Variants in GLE1 observed in about 807,000 individuals in gnomAD.
GLE1 encodes mRNA export factor GLE1.
GLE1 carries 78 observed loss-of-function variants against 97.3 expected under a neutral mutation model. That is an observed-to-expected ratio of 0.80 (90% CI 0.67 to 0.97). The LOEUF (loss-of-function observed/expected upper bound fraction) is 0.97. Among genes scored for constraint, GLE1 ranks in the 50% least tolerant of loss-of-function variants. GLE1 has a pLI of 0.00. For missense variants in GLE1, 753 were observed against 857.5 expected (o/e 0.88, Z 1.52); for synonymous variants, 302 against 313.4 (o/e 0.96, Z 0.39).
chr9:128,506,532 T>G (rs2132396452), intron 1 of GLE1, among the ~76,000 whole-genome samples: 1 of 152,310 alleles, frequency 6.6e-6, no homozygotes. Flanking sequence ...AGGTGCAAGT[T>G]TCCCTGTCTT....
chr9:128,538,138 C>G (rs766396131), intron 13 of GLE1, 48 bp downstream of exon 13: 1 of 976,482 alleles, frequency 1.0e-6, no homozygotes, highest in Non-Finnish European at 1.7e-6. Flanking sequence ...GTTGAGGTAG[C>G]CTTGATCCAC....
At chr9:128,522,556 G>C (rs925971843) in intron 3 of GLE1, 112 bp from the exon 4 acceptor site, 1 of 1,211,216 alleles carries the variant, frequency 8.3e-7, no homozygotes, top group Non-Finnish European at 1.1e-6. Context: ...GGGGAGCTGA[G>C]ACAAGAATCG....
chr9:128,532,209 C>CTTTTTTTTTTTTTTTTTTTTT (rs1160924908), intron 9 of GLE1, among the ~76,000 whole-genome samples: 1 of 49,358 alleles, frequency 2.0e-5, no homozygotes, highest in East Asian at 6.5e-4. Flanking sequence ...ATCTGCTTTG[C>CTTTTTTTTTTTTTTTTTTTTT]TTTTTTTTTT....
intron 2 of GLE1, among the ~76,000 whole-genome samples, chr9:128,513,293 A>G (rs1327648558): frequency 6.6e-6 from 1 of 151,896 alleles, no homozygotes; most frequent in South Asian, 2.1e-4. Flanking sequence ...TTGCCTCTCC[A>G]TTTCTCAGTT....
intron 5 of GLE1, 58 bp downstream of exon 5, chr9:128,523,398 A>G: frequency 2.7e-6 from 4 of 1,498,660 alleles, no homozygotes; most frequent in Non-Finnish European, 3.7e-6. Context: ...ACCTGCCTGG[A>G]GAGCCAGGTT....
Position 128,538,604 on chromosome 9 carries a change from C to T in GLE1, c.1881+514C>T, listed in dbSNP as rs569325636. On this transcript the variant is annotated intron_variant, in intron 13 of 15. Coordinates refer to ENST00000309971, the MANE Select transcript of GLE1 (RefSeq NM_001003722.2). ...CTGAAGTCATGAGTTCAAGACGAGC[C>T]TGTCCAACATGGTGAAACCCCGTCT... Among the ~76,000 whole-genome samples the T allele has an allele frequency of 3.3e-5, 5 of 152,306 alleles. No individual in the cohort carries two copies. In the South Asian group the frequency reaches 1.0e-3, roughly 32 times the overall value.
At chr9:128,522,647 A>G in intron 3 of GLE1, 21 bp from the exon 4 acceptor site, 1 of 1,600,426 alleles carries the variant, frequency 6.2e-7, no homozygotes, top group Non-Finnish European at 8.5e-7. Flanking sequence ...AAAAAAAAAA[A>G]AAAAAAAAAA....
At chr9:128,504,711 C>G (rs1297788916), upstream of GLE1, 2 of 880,946 alleles carry the variant, frequency 2.3e-6, no homozygotes, top group Non-Finnish European at 3.8e-6. Flanking sequence ...CGCGCGCGTC[C>G]CGGAAGCAGA....
In GLE1 at chr9:128,523,328, T is replaced by A. The variant is rs775371645; in HGVS notation, c.630T>A (p.Arg210=). Reference sequence around the variant, plus strand: ...AAGAGAAGCTAAAAGCTGAGCACCGTCACAGAGCAAAGGTCAGAGCCTGGC... The same window carrying A: ...AAGAGAAGCTAAAAGCTGAGCACCGACACAGAGCAAAGGTCAGAGCCTGGC... ...GHQEKLKAEH[R]HRAKILNLKL... is the part of the protein sequence containing the mutation. The change falls in exon 5 of 16, where the codon CGT becomes CGA. Residue 210 remains arginine, a synonymous_variant. Coordinates refer to ENST00000309971, the MANE Select transcript of GLE1 (RefSeq NM_001003722.2). 1 of 1,613,074 alleles carries A rather than the reference T, an allele frequency of 6.2e-7. No individual in the cohort carries two copies. The highest frequency in any genetic ancestry group is 1.1e-5 in the South Asian group (1 of 91,060).
At chr9:128,516,529 C>T (rs1242281273) in intron 3 of GLE1, among the ~76,000 whole-genome samples, 5 of 151,562 alleles carry the variant, frequency 3.3e-5, no homozygotes, top group Non-Finnish European at 7.4e-5. Context: ...CCGTGTTAGC[C>T]AGGACGGTCT....
chr9:128,514,490 T>C (rs906254870), intron 2 of GLE1, among the ~76,000 whole-genome samples: 2 of 147,830 alleles, frequency 1.4e-5, no homozygotes, highest in African/African-American at 5.1e-5. Context: ...TATCCCAGGC[T>C]AGAGTGCAGT....
chr9:128,535,855 G>A (rs879464284), intron 11 of GLE1, among the ~76,000 whole-genome samples: 95 of 150,924 alleles, frequency 6.3e-4, no homozygotes, highest in Non-Finnish European at 1.2e-3. Context: ...ATGTGCCTGT[G>A]GTCCTAGCTA....
At chr9:128,515,877 AT>A (rs551877079) in intron 3 of GLE1, among the ~76,000 whole-genome samples, 131 of 151,550 alleles carry the variant, frequency 8.6e-4, no homozygotes, top group African/African-American at 2.8e-3. Flanking sequence ...TCTGGCTTCC[AT>A]TTACTTCTCC....
At chr9:128,516,294 T>G (rs1049728447) in intron 3 of GLE1, among the ~76,000 whole-genome samples, 1 of 151,294 alleles carries the variant, frequency 6.6e-6, no homozygotes, top group Non-Finnish European at 1.5e-5. Flanking sequence ...CAGCACTATT[T>G]TAATTAATTT....
chr9:128,532,643 C>T, intron 9 of GLE1: 1 of 891,828 alleles, frequency 1.1e-6, no homozygotes, highest in Non-Finnish European at 1.3e-6. Context: ...GTCCTCTCTA[C>T]ATCTCCATTC....
Position 128,510,255 on chromosome 9 carries a change from G to A in GLE1, c.321+1158G>A, listed in dbSNP as rs550679912. Among the ~76,000 whole-genome samples the A allele has an allele frequency of 3.3e-5, 5 of 151,392 alleles. No homozygotes were observed. The South Asian group carries it at 1.0e-3, about 32-fold the overall frequency. ...TTTTCTTTTTTTTTTTTGAGACGGA[G>A]TCTTGCTCTGTCCCCCAGGCTGGAG... On this transcript the variant is annotated intron_variant, in intron 2 of 15. Transcript: ENST00000309971.
At chr9:128,536,678 T>C (rs1055729699) in intron 12 of GLE1, 194 bp downstream of exon 12, 7 of 536,230 alleles carry the variant, frequency 1.3e-5, no homozygotes, top group Admixed American at 1.1e-4. Context: ...CCTGGTACTT[T>C]AAAGAGCTGG....
chr9:128,534,790 C>A (rs1366184536), intron 11 of GLE1, among the ~76,000 whole-genome samples: 8 of 151,912 alleles, frequency 5.3e-5, no homozygotes, highest in Admixed American at 2.6e-4. Flanking sequence ...GTGATCTCAG[C>A]TCACTGCAAC....
chr9:128,530,003 A>G (rs1285894874), intron 9 of GLE1, among the ~76,000 whole-genome samples: 2 of 152,088 alleles, frequency 1.3e-5, no homozygotes, highest in Non-Finnish European at 2.9e-5. Flanking sequence ...TCAACGTGTT[A>G]GCCAGGATGG....
Sources: gnomAD v4.1 joint callset for allele counts (sites outside exome capture counted in the v4.1 genomes callset) on GRCh38, gnomAD v4.1.1 for gene constraint, MANE v1.5 for transcripts, NCBI Gene and HGNC (gene_info 2026-07-23, HGNC 2026-07-21) for gene names.